Variants in DPP6 observed in about 807,000 individuals in gnomAD.
DPP6 encodes the protein dipeptidyl peptidase like 6, also known as A-type potassium channel modulatory protein DPP6.
Under a neutral mutation model 122.6 loss-of-function variants are expected in DPP6, and 69 were observed. The ratio of observed to expected loss-of-function variants is 0.56; its 90% confidence interval spans 0.46 to 0.69. The LOEUF is 0.69. Ranked by LOEUF, DPP6 falls within the 30% of genes least tolerant of loss-of-function variation. The pLI, the probability that DPP6 is intolerant of heterozygous loss-of-function variation, is 0.00. For synonymous variants in DPP6, 418 were observed against 433.1 expected (o/e 0.97, Z 0.43); for missense variants, 928 against 1,116.9 (o/e 0.83, Z 2.41).
intron 16 of DPP6, among the ~76,000 whole-genome samples, chr7:154,837,363 T>C (rs1056361224): frequency 2.0e-5 from 3 of 151,690 alleles, no homozygotes; most frequent in African/African-American, 7.3e-5. Flanking sequence ...CATGCATGCA[T>C]ACAGGCACAT....
At chr7:154,204,781 C>T (rs953662275) in intron 1 of DPP6, among the ~76,000 whole-genome samples, 5 of 57,208 alleles carry the variant, frequency 8.7e-5, no homozygotes, top group Non-Finnish European at 2.0e-4. Context: ...AGCTTGATGA[C>T]CTTGTGTGTG....
rs779546679 is a variant in DPP6 at position 154,474,919 on chromosome 7, T to A, written c.359-20T>A. The A allele has an allele frequency of 1.3e-6, 2 of 1,582,150 alleles. No individual in the cohort carries two copies. The highest frequency in any genetic ancestry group is 3.3e-5 in the Admixed American group (2 of 59,864). ...TAATTATGAAACAAGCTTAACTCTT[T>A]GCTTTTTATTTTTTTCTAGCGGAAG... On this transcript the variant is annotated intron_variant, in intron 2 of 25. Transcript: ENST00000377770.
intron 1 of DPP6, among the ~76,000 whole-genome samples, chr7:154,193,051 A>G (rs1158977959): frequency 6.6e-6 from 1 of 152,234 alleles, no homozygotes; most frequent in East Asian, 1.9e-4. Flanking sequence ...GCAAAGCCTG[A>G]GGTTCTTGGG....
chr7:154,033,472 A>G (rs1479604949), intron 1 of DPP6, among the ~76,000 whole-genome samples: 2 of 152,378 alleles, frequency 1.3e-5, no homozygotes, highest in South Asian at 2.1e-4. Context: ...CCAGCATTTA[A>G]ATTCAGTGTA....
chr7:153,892,466 A>G (rs1417410568), intron 1 of DPP6, among the ~76,000 whole-genome samples: 1 of 152,104 alleles, frequency 6.6e-6, no homozygotes, highest in Non-Finnish European at 1.5e-5. Context: ...GGCATGTGCC[A>G]CCACACCCAG....
At chr7:154,692,781 CTTTT>C (rs200799193) in intron 7 of DPP6, among the ~76,000 whole-genome samples, 3 of 141,528 alleles carry the variant, frequency 2.1e-5, no homozygotes, top group South Asian at 2.3e-4. Context: ...TTCTCTCTCT[CTTTT>C]TTTTTTTTTT....
intron 6 of DPP6, among the ~76,000 whole-genome samples, chr7:154,651,392 C>T (rs1217256440): frequency 2.0e-5 from 3 of 152,168 alleles, no homozygotes; most frequent in Non-Finnish European, 2.9e-5. Context: ...ATATCTGCAG[C>T]CTGTGAAAAA....
At chr7:153,940,627 T>C (rs184618198) in intron 1 of DPP6, among the ~76,000 whole-genome samples, 1 of 152,260 alleles carries the variant, frequency 6.6e-6, no homozygotes, top group Non-Finnish European at 1.5e-5. Flanking sequence ...CCATGGGAAC[T>C]ATTTCCCCTT....
chr7:154,097,709 G>A (rs1226509449), intron 1 of DPP6, among the ~76,000 whole-genome samples: 1 of 152,228 alleles, frequency 6.6e-6, no homozygotes, highest in Non-Finnish European at 1.5e-5. Flanking sequence ...TCTGGCTCAG[G>A]CCTTCCAGGA....
intron 1 of DPP6, among the ~76,000 whole-genome samples, chr7:154,173,190 A>G (rs1797622687): frequency 6.6e-6 from 1 of 152,210 alleles, no homozygotes; most frequent in Non-Finnish European, 1.5e-5. Context: ...TAACAATAAC[A>G]TTACCAGTAT....
At chr7:153,841,862 G>T in the DPP6 span, among the ~76,000 whole-genome samples, 1 of 152,156 alleles carries the variant, frequency 6.6e-6, no homozygotes, top group Non-Finnish European at 1.5e-5. Context: ...ACATGGTGTT[G>T]TTTCTTTCTA....
intron 1 of DPP6, among the ~76,000 whole-genome samples, chr7:154,127,630 CACAG>C (rs1268766870): frequency 3.1e-5 from 3 of 98,182 alleles, no homozygotes; most frequent in South Asian, 3.2e-4. Context: ...CACACACACA[CACAG>C]ACACACACAC....
intron 3 of DPP6, among the ~76,000 whole-genome samples, chr7:154,502,355 T>A (rs1352997067): frequency 6.6e-6 from 1 of 152,106 alleles, no homozygotes; most frequent in Non-Finnish European, 1.5e-5. Context: ...TGGAATGATA[T>A]GATTTGGCTC....
intron 1 of DPP6, among the ~76,000 whole-genome samples, chr7:154,180,807 G>C (rs1043706180): frequency 6.6e-6 from 1 of 152,102 alleles, no homozygotes; most frequent in Non-Finnish European, 1.5e-5. Flanking sequence ...TGTGATGCAA[G>C]TTTTCTCCAC....
intron 16 of DPP6, among the ~76,000 whole-genome samples, chr7:154,852,491 G>GCCTCTCCTA (rs1176210903): frequency 2.7e-4 from 38 of 138,416 alleles, no homozygotes; most frequent in African/African-American, 1.1e-3. Context: ...TGCCTCTCCT[G>GCCTCTCCTA]CCTCTCCTGC....
the DPP6 span, among the ~76,000 whole-genome samples, chr7:153,771,337 AATT>A: frequency 4.6e-5 from 7 of 152,058 alleles, no homozygotes; most frequent in Non-Finnish European, 7.4e-5. Context: ...AGTGAAATGA[AATT>A]ATTATTATTA....
At chr7:154,524,138 A>G (rs1237959824) in intron 3 of DPP6, among the ~76,000 whole-genome samples, 1 of 152,218 alleles carries the variant, frequency 6.6e-6, no homozygotes. Flanking sequence ...GTTTTTAATT[A>G]TTAGTTTTCA....
At chr7:154,695,240 C>T (rs867105888) in intron 7 of DPP6, among the ~76,000 whole-genome samples, 10 of 152,130 alleles carry the variant, frequency 6.6e-5, no homozygotes, top group Admixed American at 1.3e-4. Context: ...CCCCCGGGTA[C>T]CTGGACCACA....
chr7:153,848,429 T>C, the DPP6 span, among the ~76,000 whole-genome samples: 1 of 152,080 alleles, frequency 6.6e-6, no homozygotes, highest in African/African-American at 2.4e-5. Flanking sequence ...CATAATTTTC[T>C]TCTGAAGTTC....
Sources: allele counts gnomAD v4.1 joint callset (sites outside exome capture counted in the v4.1 genomes callset), GRCh38; gene constraint gnomAD v4.1.1; transcripts MANE v1.5; gene names NCBI Gene and HGNC (gene_info 2026-07-23, HGNC 2026-07-21).